Variants in TP63 observed in about 807,000 individuals in gnomAD.
TP63 encodes the protein tumor protein p63, also known as tumor protein 63.
In TP63, 17 loss-of-function variants were observed where a neutral mutation model predicts 82.8. The observed-to-expected ratio is 0.21, with a 90% CI of 0.14 to 0.31. TP63 has a LOEUF of 0.31. TP63 is among the 10% of genes least tolerant of loss of function. The probability of loss-of-function intolerance (pLI) is 1.00; values close to 1 mark genes in which losing one functional copy is unlikely to be tolerated. For synonymous variants in TP63, 330 were observed against 321.7 expected (o/e 1.03, Z -0.28); for missense variants, 648 against 895.3 (o/e 0.72, Z 3.52).
Position 189,657,602 on chromosome 3 carries a change from A to G in TP63, c.62+26025A>G, listed in dbSNP as rs568582102. Among the ~76,000 whole-genome samples the G allele has an allele frequency of 3.9e-5, 6 of 152,274 alleles. No homozygotes were observed. In the South Asian group the frequency reaches 1.0e-3, roughly 26 times the overall value. On this transcript the variant is annotated intron_variant, in intron 1 of 13. Transcript: ENST00000264731. ...AACAAATGTATACTGGAATTGAACA[A>G]TTAAACAAATGGATGGTACATGGTA... is the stretch of plus-strand genomic sequence containing the variant.
At chr3:189,797,686 A>G (rs1241780953) in intron 3 of TP63, among the ~76,000 whole-genome samples, 2 of 152,098 alleles carry the variant, frequency 1.3e-5, no homozygotes, top group African/African-American at 4.8e-5. Flanking sequence ...ACACACTTGA[A>G]GAGAAACAGT....
chr3:189,801,473 G>C (rs1053933764), intron 3 of TP63, among the ~76,000 whole-genome samples: 1 of 152,148 alleles, frequency 6.6e-6, no homozygotes, highest in South Asian at 2.1e-4. Context: ...TCATTTTGTT[G>C]AGTTGTTATG....
At chr3:189,734,503 C>T (rs1232681192) in intron 1 of TP63, among the ~76,000 whole-genome samples, 1 of 152,134 alleles carries the variant, frequency 6.6e-6, no homozygotes, top group Non-Finnish European at 1.5e-5. Flanking sequence ...TTGTTCCCTT[C>T]CCCAGTGGTA....
intron 4 of TP63, among the ~76,000 whole-genome samples, chr3:189,847,256 G>A (rs954138190): frequency 1.9e-4 from 29 of 152,148 alleles, no homozygotes; most frequent in Non-Finnish European, 4.0e-4. Flanking sequence ...TACTCAGGAG[G>A]CTGAGGCAGG....
chr3:189,719,452 T>A lies in TP63; in HGVS notation c.63-18288T>A, dbSNP rs141231921. On this transcript the variant is annotated intron_variant, in intron 1 of 13. Coordinates refer to ENST00000264731, the MANE Select transcript of TP63 (RefSeq NM_003722.5). ...AGAAATCTGTTTATTCCTCCAGATTTCTTTTGTAAAGTTCTACCTGACCAA... is the reference window on the plus strand; with the variant it reads ...AGAAATCTGTTTATTCCTCCAGATTACTTTTGTAAAGTTCTACCTGACCAA... Among the ~76,000 whole-genome samples the A allele has an allele frequency of 2.0e-3, 303 of 152,334 alleles. 2 individuals carry two copies. The highest frequency in any genetic ancestry group is 7.1e-3 in the African/African-American group (296 of 41,596).
chr3:189,747,804 G>T (rs1388062348), intron 3 of TP63, among the ~76,000 whole-genome samples: 1 of 151,934 alleles, frequency 6.6e-6, no homozygotes, highest in Non-Finnish European at 1.5e-5. Context: ...TTGGCTTTTT[G>T]AAAAGATACA....
At chr3:189,702,105 G>A (rs528957233) in intron 1 of TP63, among the ~76,000 whole-genome samples, 1 of 152,102 alleles carries the variant, frequency 6.6e-6, no homozygotes, top group Non-Finnish European at 1.5e-5. Context: ...CCAGAGTCTG[G>A]GTCCTGCTGA....
At position 189,737,768 on chromosome 3, in the gene TP63, T is replaced by C; in HGVS notation, c.91T>C (p.Trp31Arg). The stretch of plus-strand genomic sequence containing the variant: ...CGTAGAAACCCCAGCTCATTTCTCT[T>C]GGAAAGAAAGTTATTACCGATCCAC... ...RFVETPAHFS[W>R]KESYYRSTMS... is the part of the protein sequence containing the mutation. Residue 31 changes from tryptophan to arginine, a missense_variant, in exon 2 of 14, where the codon TGG becomes CGG. Trp to Arg is a moderately radical substitution (Grantham distance 101). This residue lies in a region of TP63 where 182 missense variants were observed against 213.6 expected (regional missense o/e 0.85). Coordinates refer to ENST00000264731, the MANE Select transcript of TP63 (RefSeq NM_003722.5). 1 of 1,613,998 alleles carries C rather than the reference T, an allele frequency of 6.2e-7. No homozygotes were observed. The highest frequency in any genetic ancestry group is 8.5e-7 in the Non-Finnish European group (1 of 1,179,884).
intron 1 of TP63, among the ~76,000 whole-genome samples, chr3:189,638,463 G>A (rs1398355468): frequency 6.6e-6 from 1 of 152,020 alleles, no homozygotes; most frequent in Non-Finnish European, 1.5e-5. Flanking sequence ...CTGCTCTTGA[G>A]GCAGTAAATT....
At chr3:189,817,379 C>T (rs757941459) in intron 4 of TP63, among the ~76,000 whole-genome samples, 4 of 151,996 alleles carry the variant, frequency 2.6e-5, no homozygotes, top group Non-Finnish European at 4.4e-5. Context: ...AAGTAGAATA[C>T]GGGACTCAGA....
chr3:189,775,598 C>A (rs1014430381), intron 3 of TP63, among the ~76,000 whole-genome samples: 2 of 152,168 alleles, frequency 1.3e-5, no homozygotes, highest in Non-Finnish European at 2.9e-5. Context: ...TATTATACTT[C>A]TCTGAATGTT....
chr3:189,827,892 G>A (rs1478506881), intron 4 of TP63, among the ~76,000 whole-genome samples: 2 of 152,132 alleles, frequency 1.3e-5, no homozygotes, highest in Non-Finnish European at 2.9e-5. Context: ...CAGTTTGGAG[G>A]TAGGGAGACT....
intron 1 of TP63, among the ~76,000 whole-genome samples, chr3:189,689,120 T>TTTTTTTG (rs1716703560): frequency 7.7e-6 from 1 of 129,870 alleles, no homozygotes; most frequent in Non-Finnish European, 1.6e-5. Context: ...TTTTTTTTTT[T>TTTTTTTG]TTTTTTTTTT....
intron 1 of TP63, among the ~76,000 whole-genome samples, chr3:189,679,126 A>G (rs1421079116): frequency 6.6e-6 from 1 of 151,972 alleles, no homozygotes; most frequent in Non-Finnish European, 1.5e-5. Context: ...CAAGTTACTG[A>G]TTTCATTTAT....
At chr3:189,650,490 C>T in intron 1 of TP63, among the ~76,000 whole-genome samples, 1 of 146,042 alleles carries the variant, frequency 6.8e-6, no homozygotes, top group Non-Finnish European at 1.5e-5. Flanking sequence ...GGCAGTTTCC[C>T]CCATCCTGTT....
At chr3:189,609,199 C>T in the TP63 span, among the ~76,000 whole-genome samples, 1 of 152,016 alleles carries the variant, frequency 6.6e-6, no homozygotes, top group African/African-American at 2.4e-5. Context: ...GACATCTTTC[C>T]ATGTATGGGT....
At chr3:189,795,665 G>A (rs1725620222) in intron 3 of TP63, among the ~76,000 whole-genome samples, 1 of 151,974 alleles carries the variant, frequency 6.6e-6, no homozygotes, top group Non-Finnish European at 1.5e-5. Context: ...TACTATTTAT[G>A]TCAAAATGGA....
At chr3:189,767,596 CCT>C (rs1723045473) in intron 3 of TP63, among the ~76,000 whole-genome samples, 2 of 152,132 alleles carry the variant, frequency 1.3e-5, no homozygotes, top group South Asian at 4.1e-4. Flanking sequence ...ATTTCTAACT[CCT>C]CTGGAACAAT....
chr3:189,772,354 G>A (rs551439332), intron 3 of TP63, among the ~76,000 whole-genome samples: 131 of 152,314 alleles, frequency 8.6e-4, no homozygotes, highest in Middle Eastern at 6.8e-3. Flanking sequence ...GCTAATTGGT[G>A]ATGGAGCCAG....
Sources: gnomAD v4.1 joint callset for allele counts (sites outside exome capture counted in the v4.1 genomes callset) on GRCh38, gnomAD v4.1.1 for gene constraint, gnomAD v4.1.1 regional missense constraint, MANE v1.5 for transcripts, NCBI Gene and HGNC (gene_info 2026-07-23, HGNC 2026-07-21) for gene names.